Variants in TMEM132D observed in about 807,000 individuals in gnomAD.
TMEM132D encodes the protein transmembrane protein 132D.
TMEM132D carries 21 observed loss-of-function variants against 62.3 expected under a neutral mutation model. The observed-to-expected ratio is 0.34, with a 90% CI of 0.24 to 0.49. The LOEUF is 0.49. TMEM132D is among the 20% of genes least tolerant of loss of function. The pLI is 0.99. For missense variants in TMEM132D, 1,346 were observed against 1,402.8 expected (o/e 0.96, Z 0.65); for synonymous variants, 621 against 575.6 (o/e 1.08, Z -1.13).
At chr12:129,263,133 C>CGCAAGG (rs1880596124) in intron 4 of TMEM132D, among the ~76,000 whole-genome samples, 3 of 152,162 alleles carry the variant, frequency 2.0e-5, no homozygotes, top group African/African-American at 7.2e-5. Flanking sequence ...TGGTGCACTT[C>CGCAAGG]ACAGAGCAAT....
chr12:129,420,082 C>T (rs924246431), intron 3 of TMEM132D, among the ~76,000 whole-genome samples: 1 of 152,012 alleles, frequency 6.6e-6, no homozygotes, highest in Non-Finnish European at 1.5e-5. Flanking sequence ...GTACTGAGGT[C>T]CCAGAGGGCT....
At chr12:129,898,048 T>C (rs1328176032) in intron 1 of TMEM132D, among the ~76,000 whole-genome samples, 11 of 152,192 alleles carry the variant, frequency 7.2e-5, no homozygotes, top group African/African-American at 1.2e-4. Flanking sequence ...CCAGTACATA[T>C]CTACCCCATT....
At position 129,403,531 on chromosome 12, in the gene TMEM132D, T is replaced by C. The variant is rs115455665; in HGVS notation, c.1116-65714A>G. On this transcript the variant is annotated intron_variant, in intron 3 of 8. Coordinates refer to ENST00000422113, the MANE Select transcript of TMEM132D (RefSeq NM_133448.3). Reference sequence around the variant, plus strand: ...ACACAATTTTGGAGGAACACATCTGTTGCGGAAATGCAATGAACTTGAAAT... The same window carrying C: ...ACACAATTTTGGAGGAACACATCTGCTGCGGAAATGCAATGAACTTGAAAT... Among the ~76,000 whole-genome samples, 435 of 151,906 alleles carry C rather than the reference T, an allele frequency of 2.9e-3. 1 individual carries two copies. Among genetic ancestry groups the C allele is most frequent in the African/African-American group, 0.01 (416 of 41,404 alleles).
chr12:129,746,920 C>G (rs1177205242), intron 1 of TMEM132D, among the ~76,000 whole-genome samples: 1 of 152,128 alleles, frequency 6.6e-6, no homozygotes, highest in Non-Finnish European at 1.5e-5. Context: ...ATCACCCAAT[C>G]CTATCGGCTC....
At chr12:129,476,061 G>A (rs1265657516) in intron 3 of TMEM132D, among the ~76,000 whole-genome samples, 1 of 152,214 alleles carries the variant, frequency 6.6e-6, no homozygotes, top group African/African-American at 2.4e-5. Context: ...AAGCAGGACT[G>A]TGCTTTCTGT....
intron 5 of TMEM132D, among the ~76,000 whole-genome samples, chr12:129,128,555 C>G (rs564273145): frequency 5.8e-4 from 89 of 152,280 alleles, no homozygotes; most frequent in African/African-American, 1.9e-3. Context: ...CCCACCAGGT[C>G]CCTCCCTTGA....
intron 5 of TMEM132D, among the ~76,000 whole-genome samples, chr12:129,136,852 CATT>C (rs750941777): frequency 3.2e-4 from 47 of 147,528 alleles, no homozygotes; most frequent in South Asian, 6.6e-4. Context: ...CCACCATCAT[CATT>C]ATCATCACCA....
chr12:129,577,990 C>G (rs950271189), intron 2 of TMEM132D, among the ~76,000 whole-genome samples: 2 of 152,304 alleles, frequency 1.3e-5, no homozygotes, highest in African/African-American at 2.4e-5. Flanking sequence ...AATTCACCAT[C>G]CAATCTGTTG....
At chr12:129,189,799 C>A (rs541954583) in intron 5 of TMEM132D, among the ~76,000 whole-genome samples, 1 of 152,104 alleles carries the variant, frequency 6.6e-6, no homozygotes, top group Non-Finnish European at 1.5e-5. Flanking sequence ...TTGGCAAAGA[C>A]GTCAGTGTCC....
At chr12:129,115,614 T>G (rs978763859) in intron 5 of TMEM132D, among the ~76,000 whole-genome samples, 23 of 152,296 alleles carry the variant, frequency 1.5e-4, no homozygotes, top group Admixed American at 9.8e-4. Context: ...AGATATATTT[T>G]CAGATGCAGA....
At chr12:129,654,960 C>G (rs949843507) in intron 2 of TMEM132D, among the ~76,000 whole-genome samples, 3 of 149,458 alleles carry the variant, frequency 2.0e-5, no homozygotes, top group Admixed American at 2.0e-4. Flanking sequence ...TTTTTTTTTC[C>G]TTTTTGAGAC....
At chr12:129,081,730 G>A in intron 7 of TMEM132D, 29 bp downstream of exon 7, 2 of 1,535,486 alleles carry the variant, frequency 1.3e-6, no homozygotes, top group East Asian at 2.3e-5. Context: ...GAGAGATCTT[G>A]ATTTGGGGAT....
At chr12:129,353,646 C>T (rs192303052) in intron 3 of TMEM132D, among the ~76,000 whole-genome samples, 5 of 152,246 alleles carry the variant, frequency 3.3e-5, no homozygotes, top group Non-Finnish European at 4.4e-5. Context: ...GGGGCTATGT[C>T]AGACTTGTGA....
intron 2 of TMEM132D, among the ~76,000 whole-genome samples, chr12:129,694,323 A>G (rs1012664089): frequency 3.9e-5 from 6 of 152,314 alleles, no homozygotes; most frequent in East Asian, 1.9e-4. Context: ...ACAAATCCCA[A>G]TTGAAGGACA....
At chr12:129,758,167 AG>A (rs1221996386) in intron 1 of TMEM132D, among the ~76,000 whole-genome samples, 1 of 151,998 alleles carries the variant, frequency 6.6e-6, no homozygotes, top group Non-Finnish European at 1.5e-5. Flanking sequence ...GGCTTCCCAA[AG>A]TGCTGGGATT....
intron 3 of TMEM132D, among the ~76,000 whole-genome samples, chr12:129,504,555 T>C (rs930116233): frequency 1.3e-5 from 2 of 152,172 alleles, no homozygotes; most frequent in African/African-American, 4.8e-5. Context: ...TGTATTTCTG[T>C]GGTGTCAGTT....
intron 7 of TMEM132D, 39 bp downstream of exon 7, chr12:129,081,718 CAG>C (rs113947597): frequency 3.2e-6 from 5 of 1,538,530 alleles, no homozygotes; most frequent in South Asian, 2.6e-5. Flanking sequence ...GGTGGGAAGA[CAG>C]AGAGATCTTG....
chr12:129,161,267 A>G (rs941693835), intron 5 of TMEM132D, among the ~76,000 whole-genome samples: 2 of 152,200 alleles, frequency 1.3e-5, no homozygotes, highest in African/African-American at 4.8e-5. Context: ...AATAAATGGT[A>G]AAAAGGACCT....
At chr12:129,203,859 C>A (rs980721638) in intron 5 of TMEM132D, among the ~76,000 whole-genome samples, 7 of 152,324 alleles carry the variant, frequency 4.6e-5, no homozygotes, top group Middle Eastern at 3.4e-3. Context: ...CCTGAGGGGG[C>A]CTCATGGACC....
Sources: gnomAD v4.1 joint callset for allele counts (sites outside exome capture counted in the v4.1 genomes callset) on GRCh38, gnomAD v4.1.1 for gene constraint, MANE v1.5 for transcripts, NCBI Gene and HGNC (gene_info 2026-07-23, HGNC 2026-07-21) for gene names.